Variants in IGF2BP2 observed in about 807,000 individuals in gnomAD.
IGF2BP2 encodes the protein insulin like growth factor 2 mRNA binding protein 2.
Under a neutral mutation model 75.8 loss-of-function variants are expected in IGF2BP2, and 17 were observed. The ratio of observed to expected loss-of-function variants is 0.22; its 90% CI spans 0.15 to 0.34. The LOEUF (loss-of-function observed/expected upper bound fraction) is 0.34. IGF2BP2 is among the 10% of genes least tolerant of loss of function. The pLI is 1.00. For synonymous variants in IGF2BP2, 288 were observed against 295.6 expected, an observed-to-expected ratio of 0.97 and a Z score of 0.26; for missense variants, 516 against 772.4, an observed-to-expected ratio of 0.67 and a Z score of 3.93.
At chr3:185,739,297 T>G (rs1729234706) in intron 2 of IGF2BP2, among the ~76,000 whole-genome samples, 1 of 152,208 alleles carries the variant, frequency 6.6e-6, no homozygotes, top group Admixed American at 6.5e-5. Flanking sequence ...TCAGTGTGTT[T>G]AAATTGCAGG....
At chr3:185,763,339 C>T (rs1274488901) in intron 2 of IGF2BP2, among the ~76,000 whole-genome samples, 1 of 152,186 alleles carries the variant, frequency 6.6e-6, no homozygotes, top group East Asian at 1.9e-4. Context: ...AATTACCCTA[C>T]CTTAGTAGGT....
At chr3:185,677,625 C>T (rs886549947) in intron 7 of IGF2BP2, among the ~76,000 whole-genome samples, 1 of 152,132 alleles carries the variant, frequency 6.6e-6, no homozygotes, top group Non-Finnish European at 1.5e-5. Context: ...CTCTAAAGAA[C>T]ACAGATCTAC....
intron 4 of IGF2BP2, among the ~76,000 whole-genome samples, chr3:185,693,831 G>C (rs1044169570): frequency 6.6e-6 from 1 of 152,124 alleles, no homozygotes; most frequent in Non-Finnish European, 1.5e-5. Flanking sequence ...TGATAAACCT[G>C]CTGTCCAAAG....
chr3:185,685,672 A>C (rs1721019506), intron 7 of IGF2BP2, among the ~76,000 whole-genome samples: 1 of 152,174 alleles, frequency 6.6e-6, no homozygotes, highest in Non-Finnish European at 1.5e-5. Context: ...TTTTAGGGAC[A>C]GGGTGGTGCT....
rs554158389 is a variant in IGF2BP2, at chr3:185,687,313, C to T, written c.678-122G>A. 2.0e-4 allele frequency: 199 copies of T among 1,008,910 alleles called. 1 individual carries two copies. In the South Asian group the frequency reaches 3.5e-3, roughly 18 times the overall value. 62.5% of individuals were successfully genotyped at this position (1,008,910 alleles called of 1,614,324 possible). A position where few individuals can be genotyped will look rare whatever the true frequency, so the allele number is the denominator to read the frequency against. ...CAGACAGACAAGGAGGCGTCATCAGCACGTTTGCAATCAGTGCCATTCTCC... is the reference window on the plus strand; with the variant it reads ...CAGACAGACAAGGAGGCGTCATCAGTACGTTTGCAATCAGTGCCATTCTCC... On this transcript the variant is annotated intron_variant, in intron 6 of 15. Transcript: ENST00000382199.
chr3:185,648,386 C>A (rs1270095067), intron 14 of IGF2BP2, among the ~76,000 whole-genome samples: 1 of 149,594 alleles, frequency 6.7e-6, no homozygotes, highest in Non-Finnish European at 1.5e-5. Context: ...TCACCTGAAC[C>A]AGGGAGGTGG....
rs1560216869 is a variant in IGF2BP2 at position 185,645,968 on chromosome 3, C to A, written c.1708-345G>T. ...ACTTGGGCTCCCGTGCTGCTCCCGC[C>A]CCCGTTCTACAGCGGCTAGGAGGGC... On this transcript the variant is annotated intron_variant, in intron 15 of 15. Transcript: ENST00000382199. This position sits in a 1 kb window ranked among gnomAD's most constrained non-coding sequence, Gnocchi z 4.9. Among the ~76,000 whole-genome samples the A allele has an allele frequency of 6.6e-6, 1 of 152,034 alleles. No homozygotes were observed. The highest frequency in any genetic ancestry group is 1.5e-5 in the Non-Finnish European group (1 of 67,986).
intron 2 of IGF2BP2, among the ~76,000 whole-genome samples, chr3:185,745,363 C>T (rs988242605): frequency 6.6e-6 from 1 of 152,052 alleles, no homozygotes; most frequent in Non-Finnish European, 1.5e-5. Flanking sequence ...ACTTGGGAGG[C>T]CAGGGAAAGA....
chr3:185,822,354 T>A (rs1741473789), intron 2 of IGF2BP2, among the ~76,000 whole-genome samples: 1 of 152,032 alleles, frequency 6.6e-6, no homozygotes, highest in Non-Finnish European at 1.5e-5. Context: ...AAGAAAAAAA[T>A]TTAGAATGAG....
At position 185,726,553 on chromosome 3, in the gene IGF2BP2, C is replaced by CT. The variant is rs151324782; in HGVS notation, c.240-28207dup. ...ACACAAATTAGATTCCTATAAAGTG[C>CT]TTTGAGTTCTCTGCCATTGTAATAG... On this transcript the variant is annotated intron_variant, in intron 2 of 15. Coordinates refer to ENST00000382199, the MANE Select transcript of IGF2BP2 (RefSeq NM_006548.6). Among the ~76,000 whole-genome samples the CT allele has an allele frequency of 4.2e-3, 642 of 152,334 alleles. 6 individuals carry two copies. Among genetic ancestry groups the CT allele is most frequent in the African/African-American group, 0.015 (608 of 41,576 alleles).
chr3:185,686,405 G>A (rs114928792), intron 7 of IGF2BP2, among the ~76,000 whole-genome samples: 3 of 151,832 alleles, frequency 2.0e-5, no homozygotes, highest in Non-Finnish European at 4.4e-5. Context: ...AAAGGAGAGG[G>A]GGGTAGTGAG....
At chr3:185,823,258 G>A (rs377201055) in intron 1 of IGF2BP2, 45 bp from the exon 2 acceptor site, 80 of 1,482,446 alleles carry the variant, frequency 5.4e-5, no homozygotes, top group Non-Finnish European at 7.2e-5. Flanking sequence ...CTTAGATCAA[G>A]CCCGCGGGGG....
chr3:185,665,032 G>T (rs1283977721), intron 10 of IGF2BP2, among the ~76,000 whole-genome samples: 2 of 151,976 alleles, frequency 1.3e-5, no homozygotes, highest in African/African-American at 4.8e-5. Flanking sequence ...AGGCGTGTTG[G>T]TGTGCACCTG....
At chr3:185,758,815 C>T (rs1731971612) in intron 2 of IGF2BP2, among the ~76,000 whole-genome samples, 1 of 152,234 alleles carries the variant, frequency 6.6e-6, no homozygotes. Context: ...CAATACTCAT[C>T]TCCAACCACC....
chr3:185,761,396 G>A (rs535008028), intron 2 of IGF2BP2, among the ~76,000 whole-genome samples: 2 of 152,278 alleles, frequency 1.3e-5, no homozygotes, highest in South Asian at 4.1e-4. Context: ...ATCACTCCGG[G>A]GCCCTGGGCT....
chr3:185,731,749 C>T (rs182350747), intron 2 of IGF2BP2, among the ~76,000 whole-genome samples: 16 of 151,888 alleles, frequency 1.1e-4, no homozygotes, highest in African/African-American at 3.4e-4. Context: ...CCGAGGCGGG[C>T]GGATCACGAG....
chr3:185,783,850 ATATAG>A (rs1048273399), intron 2 of IGF2BP2, among the ~76,000 whole-genome samples: 5 of 152,234 alleles, frequency 3.3e-5, no homozygotes, highest in African/African-American at 4.8e-5. Flanking sequence ...TAAAGCAAAC[ATATAG>A]TAGAGTACCT....
intron 7 of IGF2BP2, among the ~76,000 whole-genome samples, chr3:185,684,443 C>T (rs1040804778): frequency 9.9e-5 from 15 of 151,270 alleles, no homozygotes; most frequent in African/African-American, 3.4e-4. Context: ...CTCGCTCTGT[C>T]GCCCAGGCTG....
chr3:185,772,624 C>T (rs1734038966), intron 2 of IGF2BP2, among the ~76,000 whole-genome samples: 1 of 148,566 alleles, frequency 6.7e-6, no homozygotes, highest in South Asian at 2.1e-4. Context: ...CTGTGTCGCC[C>T]AGGCTGGAGT....
Sources: gnomAD v4.1 joint callset for allele counts (sites outside exome capture counted in the v4.1 genomes callset) on GRCh38, gnomAD v4.1.1 for gene constraint, Gnocchi (gnomAD v3.1) non-coding constraint, MANE v1.5 for transcripts, NCBI Gene and HGNC (gene_info 2026-07-23, HGNC 2026-07-21) for gene names.